Variants in WWP2 observed in about 807,000 individuals in gnomAD.
WWP2 encodes WW domain containing E3 ubiquitin protein ligase 2.
Under a neutral mutation model 121.0 loss-of-function variants are expected in WWP2, and 57 were observed. The ratio of observed to expected loss-of-function variants is 0.47; its 90% confidence interval spans 0.38 to 0.59. The LOEUF (loss-of-function observed/expected upper bound fraction) is 0.59, where lower values mean the gene tolerates loss of function less well. Ranked by LOEUF, WWP2 falls within the 20% of genes least tolerant of loss-of-function variation. The probability of loss-of-function intolerance (pLI) is 0.00; values close to 1 mark genes in which losing one functional copy is unlikely to be tolerated. For missense variants in WWP2, 962 were observed against 1,158.9 expected, an observed-to-expected ratio of 0.83 and a Z score of 2.47; for synonymous variants, 449 against 441.3, an observed-to-expected ratio of 1.02 and a Z score of -0.22.
At chr16:69,857,655 CTTTTTT>C (rs1166811815) in intron 6 of WWP2, among the ~76,000 whole-genome samples, 1 of 71,916 alleles carries the variant, frequency 1.4e-5, no homozygotes, top group Non-Finnish European at 2.6e-5. Flanking sequence ...AAGGTCAACT[CTTTTTT>C]TTTTTTTTTT....
At chr16:69,934,230 T>C (rs1223573800) in intron 17 of WWP2, 101 bp downstream of exon 17, 4 of 1,441,842 alleles carry the variant, frequency 2.8e-6, no homozygotes, top group Non-Finnish European at 1.9e-6. Context: ...CTGCTCTTTC[T>C]CTGAGACCTC....
chr16:69,876,024 A>G (rs1597094229), intron 7 of WWP2, among the ~76,000 whole-genome samples: 1 of 152,012 alleles, frequency 6.6e-6, no homozygotes, highest in South Asian at 2.1e-4. Context: ...GCATGATCTC[A>G]GCTCACTGCT....
chr16:69,789,866 G>T (rs1275449473), intron 2 of WWP2, among the ~76,000 whole-genome samples: 1 of 152,132 alleles, frequency 6.6e-6, no homozygotes, highest in Non-Finnish European at 1.5e-5. Flanking sequence ...TCCCTGCTCA[G>T]TAAAAAAATC....
Position 69,940,124 on chromosome 16 carries a change from G to T in WWP2, c.*184G>T, listed in dbSNP as rs1398386568. On this transcript the variant is annotated 3_prime_UTR_variant, in exon 24 of 24. Transcript: ENST00000359154. ...GGAGGCCCTGCAGTTCCCCCGACCC[G>T]CGGATGGCAGTCTGGAATAAAGCCC... 1.7e-6 allele frequency: 1 copy of T among 595,034 alleles called. No individual in the cohort carries two copies. Among genetic ancestry groups the T allele is most frequent in the South Asian group, 2.1e-5 (1 of 47,600 alleles). The allele number at this position is 595,034 out of a possible 1,614,324, so 36.9% of individuals were successfully genotyped here. A position where few individuals can be genotyped will look rare whatever the true frequency, so the allele number is the denominator to read the frequency against.
At chr16:69,805,127 C>T (rs1454864822) in intron 4 of WWP2, among the ~76,000 whole-genome samples, 9 of 151,748 alleles carry the variant, frequency 5.9e-5, no homozygotes, top group Non-Finnish European at 1.2e-4. Context: ...GCAATCTCCA[C>T]CTCCTGGGTT....
intron 8 of WWP2, among the ~76,000 whole-genome samples, chr16:69,890,529 G>A (rs2058006867): frequency 6.6e-6 from 1 of 151,638 alleles, no homozygotes; most frequent in Admixed American, 6.5e-5. Context: ...TTTCAAGCCT[G>A]TATGTTATAA....
intron 4 of WWP2, among the ~76,000 whole-genome samples, chr16:69,832,131 C>G (rs2056804448): frequency 6.6e-6 from 1 of 151,884 alleles, no homozygotes; most frequent in Admixed American, 6.6e-5. Flanking sequence ...GCCCTGCCTT[C>G]TTTGTTTGTT....
chr16:69,898,216 C>T (rs2058140017), intron 8 of WWP2, among the ~76,000 whole-genome samples: 1 of 151,814 alleles, frequency 6.6e-6, no homozygotes, highest in Non-Finnish European at 1.5e-5. Flanking sequence ...TTAGTAGAGA[C>T]AGGGTTTCGC....
At chr16:69,777,876 G>C (rs2055569515) in intron 1 of WWP2, among the ~76,000 whole-genome samples, 1 of 150,444 alleles carries the variant, frequency 6.6e-6, no homozygotes, top group Admixed American at 6.6e-5. Flanking sequence ...AGATCAGCCT[G>C]AACAACATAG....
At chr16:69,781,783 G>A (rs2151786002) in intron 1 of WWP2, among the ~76,000 whole-genome samples, 1 of 152,246 alleles carries the variant, frequency 6.6e-6, no homozygotes, top group African/African-American at 2.4e-5. Flanking sequence ...AGTCTAAGGT[G>A]GAGGGCCCAC....
At chr16:69,938,471 T>A (rs551053948) in intron 21 of WWP2, among the ~76,000 whole-genome samples, 8 of 152,304 alleles carry the variant, frequency 5.3e-5, no homozygotes, top group Admixed American at 2.0e-4. Flanking sequence ...TATAAAAAAT[T>A]AGCCAGGCAT....
At chr16:69,834,223 C>T (rs1357224257) in intron 4 of WWP2, among the ~76,000 whole-genome samples, 1 of 152,212 alleles carries the variant, frequency 6.6e-6, no homozygotes, top group Non-Finnish European at 1.5e-5. Context: ...CTGCTCCTCT[C>T]TTCCCTCGCT....
chr16:69,762,472 G>A (rs893435636), intron 1 of WWP2, 81 bp downstream of exon 1: 2 of 147,444 alleles, frequency 1.4e-5, no homozygotes, highest in Non-Finnish European at 3.0e-5. Flanking sequence ...GCGCGGGGTG[G>A]GCCGGGGGCG....
chr16:69,796,176 C>A (rs1045121632), intron 2 of WWP2, among the ~76,000 whole-genome samples: 1 of 151,900 alleles, frequency 6.6e-6, no homozygotes, highest in African/African-American at 2.4e-5. Context: ...GGAAATACAC[C>A]CAGAAATATT....
chr16:69,863,013 C>T (rs1050521783), intron 6 of WWP2, among the ~76,000 whole-genome samples: 2 of 152,014 alleles, frequency 1.3e-5, no homozygotes, highest in Non-Finnish European at 1.5e-5. Context: ...AGGTGTGAGC[C>T]GCCACCCCCG....
chr16:69,890,656 C>T (rs1003504855), intron 8 of WWP2: 3 of 152,164 alleles, frequency 2.0e-5, no homozygotes, highest in Non-Finnish European at 4.4e-5. Flanking sequence ...GCCGGCCTCA[C>T]TCCTGTGTCA....
chr16:69,801,936 A>AT (rs1270145422), intron 4 of WWP2, among the ~76,000 whole-genome samples: 5 of 150,080 alleles, frequency 3.3e-5, no homozygotes, highest in Admixed American at 6.7e-5. Flanking sequence ...TTATTTATTT[A>AT]TTTTTTTTTC....
At chr16:69,786,754 G>A (rs1013320919) in intron 1 of WWP2, among the ~76,000 whole-genome samples, 1 of 152,122 alleles carries the variant, frequency 6.6e-6, no homozygotes, top group Non-Finnish European at 1.5e-5. Flanking sequence ...CCTGGCAGAG[G>A]TGTCTTAGTA....
chr16:69,919,787 C>CTT (rs1326246941), intron 10 of WWP2, among the ~76,000 whole-genome samples: 58 of 124,350 alleles, frequency 4.7e-4, no homozygotes, highest in Non-Finnish European at 5.5e-4. Flanking sequence ...GGGTCCCTGA[C>CTT]TTTTTTTTTT....
Sources: gnomAD v4.1 joint callset for allele counts (sites outside exome capture counted in the v4.1 genomes callset) on GRCh38, gnomAD v4.1.1 for gene constraint, MANE v1.5 for transcripts, NCBI Gene and HGNC (gene_info 2026-07-23, HGNC 2026-07-21) for gene names.